CFHR4: variants seen among roughly 807,000 people sequenced by gnomAD.
CFHR4 encodes the protein complement factor H-related protein 4.
In CFHR4, 64 loss-of-function variants were observed where a neutral mutation model predicts 69.3. That is an observed-to-expected ratio of 0.92 (90% CI 0.76 to 1.14). The LOEUF (loss-of-function observed/expected upper bound fraction) is 1.14, where lower values mean the gene tolerates loss of function less well. Ranked by LOEUF, CFHR4 falls within the 50% of genes most tolerant of loss-of-function variation. CFHR4 has a pLI of 0.00. For missense variants in CFHR4, 636 were observed against 684.9 expected (o/e 0.93, Z 0.80); for synonymous variants, 244 against 237.0 (o/e 1.03, Z -0.27).
In CFHR4 at chr1:196,914,645, G is replaced by T. The variant is rs781319482; in HGVS notation, c.1331G>T (p.Gly444Val). Reference protein sequence around the residue: ...TTGSIVCGEDGWSHFPTCYNS... With the variant: ...TTGSIVCGEDVWSHFPTCYNS... ...GGTTCCATAGTGTGTGGTGAAGATG[G>T]GTGGTCCCATTTCCCAACATGTTAT... Residue 444 changes from glycine to valine, a missense_variant, in exon 8 of 10, where the codon GGG becomes GTG. By Grantham distance (109) the Gly-to-Val change is moderately radical. Transcript: ENST00000608469. 1 of 1,603,776 alleles carries T rather than the reference G, an allele frequency of 6.2e-7. No homozygotes were observed. The highest frequency in any genetic ancestry group is 1.7e-5 in the Admixed American group (1 of 58,320).
chr1:196,906,022 G>T (rs952637798), intron 3 of CFHR4, among the ~76,000 whole-genome samples: 1 of 151,328 alleles, frequency 6.6e-6, no homozygotes, highest in African/African-American at 2.4e-5. Flanking sequence ...CATTCACCAA[G>T]ATTTGTAAAG....
Position 196,918,604 on chromosome 1 carries a change from T to C in CFHR4, c.*198T>C. On this transcript the variant is annotated 3_prime_UTR_variant, in exon 10 of 10. Transcript: ENST00000608469. The stretch of plus-strand genomic sequence containing the variant: ...ACTAAATTATTGCTTATGCTTGTAC[T>C]AAAATAATAAAAACTACCCTTATAT... The C allele has an allele frequency of 1.9e-6, 1 of 536,904 alleles. No individual in the cohort carries two copies. Among genetic ancestry groups the C allele is most frequent in the South Asian group, 2.1e-5 (1 of 47,276 alleles). The allele number at this position is 536,904 out of a possible 1,614,324, so 33.3% of individuals were successfully genotyped here.
intron 3 of CFHR4, among the ~76,000 whole-genome samples, 162 bp downstream of exon 3, chr1:196,905,452 C>A (rs1208617845): frequency 6.6e-6 from 1 of 151,312 alleles, no homozygotes; most frequent in Non-Finnish European, 1.5e-5. Context: ...TCTTTTTTGC[C>A]TTTTTAGAGT....
intron 8 of CFHR4, 58 bp from the exon 9 acceptor site, chr1:196,914,898 T>C: frequency 3.2e-6 from 5 of 1,571,722 alleles, no homozygotes; most frequent in Admixed American, 1.7e-5. Context: ...AAGCTTTATT[T>C]AGAAAGTTTC....
At chr1:196,901,740 T>C (rs1190546974) in intron 1 of CFHR4, among the ~76,000 whole-genome samples, 3 of 151,428 alleles carry the variant, frequency 2.0e-5, no homozygotes, top group East Asian at 3.8e-4. Flanking sequence ...CAATAAACTG[T>C]AAATATACTG....
intron 7 of CFHR4, among the ~76,000 whole-genome samples, chr1:196,914,189 TC>T: frequency 6.6e-6 from 1 of 151,604 alleles, no homozygotes; most frequent in Non-Finnish European, 1.5e-5. Flanking sequence ...GATTGTAGTA[TC>T]ATAGTAGTAG....
Position 196,890,898 on chromosome 1 carries a change from C to A in CFHR4, c.58+2690C>A, listed in dbSNP as rs140785002. Among the ~76,000 whole-genome samples the A allele has an allele frequency of 9.2e-5, 14 of 151,422 alleles. 1 individual carries two copies. Among genetic ancestry groups the A allele is most frequent in the Non-Finnish European group, 1.6e-4 (11 of 67,920 alleles). On this transcript the variant is annotated intron_variant, in intron 1 of 9. Coordinates refer to ENST00000608469, the MANE Select transcript of CFHR4 (RefSeq NM_001201550.3). ...CTCCAGTGCCTTCTAGTGGGAGAAA[C>A]GATTTTTAGAAATGAACCTAAACTA...
chr1:196,892,150 C>G (rs1267655940), intron 1 of CFHR4, among the ~76,000 whole-genome samples: 1 of 151,302 alleles, frequency 6.6e-6, no homozygotes, highest in Non-Finnish European at 1.5e-5. Flanking sequence ...CCAGAATTGC[C>G]GAAGAGACCA....
At chr1:196,901,544 T>C (rs969581885) in intron 1 of CFHR4, among the ~76,000 whole-genome samples, 7 of 149,518 alleles carry the variant, frequency 4.7e-5, no homozygotes, top group Admixed American at 4.6e-4. Context: ...ATGTGTAGTA[T>C]AAGGTTTCTT....
At position 196,888,191 on chromosome 1, in the gene CFHR4, C is replaced by T; in HGVS notation, c.41C>T (p.Ser14Phe). The change falls in exon 1 of 10, where the codon TCC becomes TTC. Residue 14 changes from serine (S) to phenylalanine (F), a missense_variant. Ser to Phe is a radical substitution (Grantham distance 155). Coordinates refer to ENST00000608469, the MANE Select transcript of CFHR4 (RefSeq NM_001201550.3). ...AATGTCATTCTGACCTTGTGGGTTTCCTGTGCTAATGGACAAGGTAAGTTG... is the reference window on the plus strand; with the variant it reads ...AATGTCATTCTGACCTTGTGGGTTTTCTGTGCTAATGGACAAGGTAAGTTG... ...LINVILTLWV[S>F]CANGQEVKPC... 6.2e-7 allele frequency: 1 copy of T among 1,611,156 alleles called. No homozygotes were observed. Among genetic ancestry groups the T allele is most frequent in the Non-Finnish European group, 8.5e-7 (1 of 1,178,602 alleles).
At chr1:196,905,389 G>T in intron 3 of CFHR4, 99 bp downstream of exon 3, 1 of 1,500,564 alleles carries the variant, frequency 6.7e-7, no homozygotes, top group Non-Finnish European at 9.0e-7. Flanking sequence ...ACTTTTAGGA[G>T]TAAAGAGATA....
chr1:196,914,755 A>G (rs1658492226), intron 8 of CFHR4, 84 bp downstream of exon 8: 1 of 1,393,528 alleles, frequency 7.2e-7, no homozygotes, highest in Admixed American at 2.7e-5. Flanking sequence ...ATATGTGTGT[A>G]CATATATGTA....
At chr1:196,899,139 C>T (rs1657459568) in intron 1 of CFHR4, among the ~76,000 whole-genome samples, 1 of 138,014 alleles carries the variant, frequency 7.2e-6, no homozygotes, top group South Asian at 2.3e-4. Context: ...AGCAAAATGT[C>T]TCTCACGTCA....
chr1:196,900,731 G>T (rs1657558395), intron 1 of CFHR4, among the ~76,000 whole-genome samples: 2 of 151,204 alleles, frequency 1.3e-5, no homozygotes, highest in Admixed American at 1.3e-4. Context: ...AAAGTTCAAA[G>T]GTAAAGAGAA....
chr1:196,906,851 T>C lies in CFHR4; in HGVS notation c.440-10T>C. On this transcript the variant is annotated splice_polypyrimidine_tract_variant and intron_variant, in intron 3 of 9. Coordinates refer to ENST00000608469, the MANE Select transcript of CFHR4 (RefSeq NM_001201550.3). ...ATAGAAAAGCAATCCTCAATTTTATTTTGTTTCAGAATTTTGTGATATGCC... is the reference window on the plus strand; with the variant it reads ...ATAGAAAAGCAATCCTCAATTTTATCTTGTTTCAGAATTTTGTGATATGCC... 6.3e-7 allele frequency: 1 copy of C among 1,597,184 alleles called. No individual in the cohort carries two copies. Among genetic ancestry groups the C allele is most frequent in the South Asian group, 1.1e-5 (1 of 87,794 alleles).
At position 196,892,726 on chromosome 1, in the gene CFHR4, T is replaced by A. The variant is rs1490423838; in HGVS notation, c.58+4518T>A. ...AAAGGAAATAAAATCAGCAACATAT[T>A]TTTAATTAAAATTTTAACTTCTTTC... On this transcript the variant is annotated intron_variant, in intron 1 of 9. Transcript: ENST00000608469. 1.3e-5 allele frequency among the ~76,000 whole-genome samples: 2 copies of A among 151,514 alleles called. 1 individual carries two copies. The highest frequency in any genetic ancestry group is 2.9e-5 in the Non-Finnish European group (2 of 67,948).
intron 5 of CFHR4, among the ~76,000 whole-genome samples, chr1:196,909,923 AG>A (rs1658146268): frequency 6.6e-6 from 1 of 151,220 alleles, no homozygotes; most frequent in Admixed American, 6.6e-5. Flanking sequence ...AAGCCAAAGC[AG>A]GTCGATCACC....
chr1:196,902,327 A>G lies in CFHR4; in HGVS notation c.59-91A>G, dbSNP rs369421996. The stretch of plus-strand genomic sequence containing the variant: ...AAACCCCTAATTCATTACACTAAGA[A>G]GAGAATATAATTTATTGATCAAAAA... On this transcript the variant is annotated intron_variant, in intron 1 of 9. Transcript: ENST00000608469. The G allele has an allele frequency of 3.0e-5, 28 of 919,612 alleles. 1 individual carries two copies. The East Asian group carries it at 6.9e-4, about 23-fold the overall frequency. 57.0% of individuals were successfully genotyped at this position (919,612 alleles called of 1,614,324 possible). A position where few individuals can be genotyped will look rare whatever the true frequency, so the allele number is the denominator to read the frequency against.
chr1:196,900,414 C>T (rs1368785158), intron 1 of CFHR4, among the ~76,000 whole-genome samples: 1 of 149,550 alleles, frequency 6.7e-6, no homozygotes, highest in African/African-American at 2.5e-5. Flanking sequence ...TGAAGTGGCT[C>T]AAGCTTGTGG....
Sources: allele counts gnomAD v4.1 joint callset (sites outside exome capture counted in the v4.1 genomes callset), GRCh38; gene constraint gnomAD v4.1.1; transcripts MANE v1.5; gene names NCBI Gene and HGNC (gene_info 2026-07-23, HGNC 2026-07-21).